Variants in ABCA13 observed in about 807,000 individuals in gnomAD.
The protein encoded by ABCA13 is ATP-binding cassette sub-family A member 13.
ABCA13 carries 476 observed loss-of-function variants against 478.7 expected under a neutral mutation model. The observed-to-expected ratio is 0.99, with a 90% CI of 0.92 to 1.07. The LOEUF is 1.07. Among genes scored for constraint, ABCA13 ranks in the 50% least tolerant of loss-of-function variants. The pLI, the probability that ABCA13 is intolerant of heterozygous loss-of-function variation, is 0.00. For synonymous variants in ABCA13, 2,252 were observed against 2,158.9 expected (o/e 1.04, Z -1.20); for missense variants, 6,060 against 5,910.6 (o/e 1.03, Z -0.83).
rs1156815723 is a variant in ABCA13, at chr7:48,272,904, T to C, written c.3238T>C (p.Phe1080Leu). The part of the protein sequence containing the change: ...IIDEDFRISL[F>L]QYMSQFFNSS... ...TGATGAAGATTTTCGTATTTCTTTA[T>C]TTCAATATATGAGCCAATTCTTCAA... The change falls in exon 17 of 62, where the codon TTT (phenylalanine) becomes CTT (leucine). Residue 1080 changes from phenylalanine (F) to leucine (L), a missense_variant. By Grantham distance (22) the Phe-to-Leu change is conservative. Around this residue, in one of 3 missense-constraint regions of ABCA13, gnomAD observed 4,423 missense variants for 4,309.1 expected, o/e 1.03. Coordinates refer to ENST00000435803, the MANE Select transcript of ABCA13 (RefSeq NM_152701.5). 2.5e-6 allele frequency: 4 copies of C among 1,611,474 alleles called. No individual in the cohort carries two copies. The highest frequency in any genetic ancestry group is 4.5e-5 in the East Asian group (2 of 44,800).
intron 58 of ABCA13, among the ~76,000 whole-genome samples, chr7:48,607,589 A>C (rs1175560070): frequency 6.6e-6 from 1 of 152,164 alleles, no homozygotes; most frequent in Non-Finnish European, 1.5e-5. Context: ...TTCTAAATCT[A>C]GCATCTGAGA....
At chr7:48,567,513 T>C (rs568700982) in intron 55 of ABCA13, among the ~76,000 whole-genome samples, 35 of 152,264 alleles carry the variant, frequency 2.3e-4, no homozygotes, top group African/African-American at 8.4e-4. Flanking sequence ...TCAGAACTTA[T>C]ATAAAACCTT....
chr7:48,363,838 C>T (rs531984552), intron 31 of ABCA13, among the ~76,000 whole-genome samples: 8 of 152,106 alleles, frequency 5.3e-5, no homozygotes, highest in Admixed American at 4.6e-4. Context: ...AATGATTGTG[C>T]TGTGTGGTGT....
chr7:48,199,386 A>G (rs1798355708), intron 3 of ABCA13, among the ~76,000 whole-genome samples: 1 of 152,174 alleles, frequency 6.6e-6, no homozygotes, highest in Admixed American at 6.5e-5. Context: ...ATCTGGTGAG[A>G]ACCCTTTCCA....
Position 48,455,170 on chromosome 7 carries a change from A to C in ABCA13, c.12699A>C (p.Pro4233=), listed in dbSNP as rs1371219606. ...GKSTLADLLL[P]VLFVALAMGL... ...GCACCCTCGCCGACCTGCTGCTGCC[A>C]GTCCTCTTCGTGGCCTTGGCCATGG... The change falls in exon 43 of 62, where the codon CCA becomes CCC. Residue 4233 remains proline, a synonymous_variant. Coordinates refer to ENST00000435803, the MANE Select transcript of ABCA13 (RefSeq NM_152701.5). 2 of 1,586,508 alleles carry C rather than the reference A, an allele frequency of 1.3e-6. No homozygotes were observed. Among genetic ancestry groups the C allele is most frequent in the Admixed American group, 3.6e-5 (2 of 56,338 alleles).
chr7:48,605,126 G>A (rs896136972), intron 58 of ABCA13, among the ~76,000 whole-genome samples: 1 of 151,998 alleles, frequency 6.6e-6, no homozygotes, highest in Admixed American at 6.6e-5. Flanking sequence ...TTGTGTCTTT[G>A]TACATGAGAT....
At chr7:48,223,874 G>T (rs1787738364) in intron 5 of ABCA13, among the ~76,000 whole-genome samples, 1 of 150,986 alleles carries the variant, frequency 6.6e-6, no homozygotes, top group African/African-American at 2.4e-5. Context: ...CACGAGAATT[G>T]CTTGAACCTG....
At chr7:48,479,490 C>T (rs574028132) in intron 45 of ABCA13, among the ~76,000 whole-genome samples, 40 of 152,218 alleles carry the variant, frequency 2.6e-4, no homozygotes, top group African/African-American at 6.3e-4. Context: ...CACCCACCTC[C>T]GCCTCCCAAT....
chr7:48,422,563 G>A (rs1454798813), intron 41 of ABCA13, among the ~76,000 whole-genome samples: 1 of 151,880 alleles, frequency 6.6e-6, no homozygotes, highest in African/African-American at 2.4e-5. Context: ...TTTTCATTTT[G>A]TGTTGGACTC....
rs535255574 is a variant in ABCA13 at position 48,268,151 on chromosome 7, A to G, written c.2006-829A>G. Among the ~76,000 whole-genome samples the G allele has an allele frequency of 3.9e-5, 6 of 152,160 alleles. No individual in the cohort carries two copies. In the East Asian group the frequency reaches 1.2e-3, roughly 29 times the overall value. On this transcript the variant is annotated intron_variant, in intron 15 of 61. Transcript: ENST00000435803. ...AACGGTTATCTTTAATCCTTTAAAA[A>G]AATTATTTATTTATTTATTTATTTT...
chr7:48,279,177 T>G lies in ABCA13; in HGVS notation c.7983T>G (p.Asn2661Lys), dbSNP rs1199832899. ...GGAGTCTTGCGGTAGCATTTAACAA[T>G]GAGACTCAAACATTTTCTATGGATT... ...DMRSLAVAFN[N>K]ETQTFSMDSV... Residue 2661 changes from asparagine to lysine, a missense_variant, in exon 18 of 62, where the codon AAT (asparagine) becomes AAG (lysine). By Grantham distance (94) the Asn-to-Lys change is moderately conservative (BLOSUM62 0). Coordinates refer to ENST00000435803, the MANE Select transcript of ABCA13 (RefSeq NM_152701.5). 6.2e-7 allele frequency: 1 copy of G among 1,600,162 alleles called. No homozygotes were observed. The highest frequency in any genetic ancestry group is 1.3e-5 in the African/African-American group (1 of 74,828).
intron 27 of ABCA13, among the ~76,000 whole-genome samples, chr7:48,333,347 T>C (rs189915826): frequency 4.5e-4 from 68 of 152,352 alleles, no homozygotes; most frequent in Non-Finnish European, 9.0e-4. Context: ...TTTTGTTTGC[T>C]TCAAGACAAT....
chr7:48,572,078 G>A (rs1787711542), intron 55 of ABCA13, among the ~76,000 whole-genome samples: 1 of 152,278 alleles, frequency 6.6e-6, no homozygotes, highest in Admixed American at 6.5e-5. Flanking sequence ...TACTTGGGAG[G>A]CTGAGGCATG....
chr7:48,390,008 A>G (rs1030482729), intron 37 of ABCA13, among the ~76,000 whole-genome samples: 1 of 152,238 alleles, frequency 6.6e-6, no homozygotes, highest in African/African-American at 2.4e-5. Flanking sequence ...ATAGAAAGAA[A>G]GAATATGGAC....
chr7:48,473,877 C>T (rs1005238607), intron 45 of ABCA13, among the ~76,000 whole-genome samples: 22 of 152,114 alleles, frequency 1.4e-4, no homozygotes, highest in African/African-American at 3.1e-4. Flanking sequence ...TTCTCTTAGA[C>T]GAAAGATACA....
intron 48 of ABCA13, among the ~76,000 whole-genome samples, chr7:48,506,046 A>G (rs1385327184): frequency 6.6e-6 from 1 of 152,200 alleles, no homozygotes; most frequent in Non-Finnish European, 1.5e-5. Flanking sequence ...GATACTTATG[A>G]GGATTACACA....
At chr7:48,321,386 G>GTGGTC (rs1803431505) in intron 27 of ABCA13, among the ~76,000 whole-genome samples, 1 of 152,188 alleles carries the variant, frequency 6.6e-6, no homozygotes. Flanking sequence ...GAGGAAGCTG[G>GTGGTC]TGGTCAGGTG....
chr7:48,506,562 C>T (rs117436888), intron 49 of ABCA13, among the ~76,000 whole-genome samples, 172 bp downstream of exon 49: 12 of 152,232 alleles, frequency 7.9e-5, no homozygotes, highest in East Asian at 3.9e-4. Context: ...GTGAGAAAAA[C>T]GACTATTAAG....
At chr7:48,429,640 G>A (rs904075933) in intron 42 of ABCA13, among the ~76,000 whole-genome samples, 3 of 152,156 alleles carry the variant, frequency 2.0e-5, no homozygotes, top group African/African-American at 7.2e-5. Context: ...TTTATTTCTA[G>A]AGCTGGAAGA....
Sources: allele counts gnomAD v4.1 joint callset (sites outside exome capture counted in the v4.1 genomes callset), GRCh38; gene constraint gnomAD v4.1.1; regional missense constraint gnomAD v4.1.1; transcripts MANE v1.5; gene names NCBI Gene and HGNC (gene_info 2026-07-23, HGNC 2026-07-21).